Variants in USP34 observed in about 807,000 individuals in gnomAD.
The protein encoded by USP34 is ubiquitin carboxyl-terminal hydrolase 34.
USP34 carries 70 observed loss-of-function variants against 460.3 expected under a neutral mutation model. That is an observed-to-expected ratio of 0.15 (90% CI 0.13 to 0.19). USP34 has a LOEUF of 0.19. Ranked by LOEUF, USP34 falls within the 10% of genes least tolerant of loss-of-function variation. The pLI, the probability that USP34 is intolerant of heterozygous loss-of-function variation, is 1.00. For missense variants in USP34, 3,985 were observed against 4,236.2 expected (o/e 0.94, Z 1.65); for synonymous variants, 1,647 against 1,405.3 (o/e 1.17, Z -3.85).
chr2:61,402,066 G>A (rs1255037595), intron 3 of USP34, among the ~76,000 whole-genome samples: 1 of 151,540 alleles, frequency 6.6e-6, no homozygotes, highest in Admixed American at 6.6e-5. Flanking sequence ...GGCTGGTCTC[G>A]ATAAACCCCA....
chr2:61,282,343 C>T (rs1380539108), intron 37 of USP34, among the ~76,000 whole-genome samples: 3 of 152,206 alleles, frequency 2.0e-5, no homozygotes, highest in African/African-American at 7.2e-5. Flanking sequence ...AAATATATTA[C>T]TGTGTGTTTC....
intron 79 of USP34, 86 bp from the exon 80 acceptor site, chr2:61,188,795 C>T: frequency 5.1e-6 from 8 of 1,566,030 alleles, no homozygotes; most frequent in Non-Finnish European, 6.9e-6. Context: ...AATTTTGTTT[C>T]TAGCATTTAT....
chr2:61,397,111 C>T (rs139336259), intron 3 of USP34, among the ~76,000 whole-genome samples: 2 of 152,048 alleles, frequency 1.3e-5, no homozygotes, highest in African/African-American at 2.4e-5. Context: ...AGTTCAAAGG[C>T]CTTTCAAAGT....
intron 18 of USP34, among the ~76,000 whole-genome samples, chr2:61,338,082 G>A (rs913581492): frequency 7.9e-5 from 12 of 152,166 alleles, no homozygotes; most frequent in Non-Finnish European, 1.2e-4. Flanking sequence ...AGCACTTTGA[G>A]AAGCCAAGGC....
chr2:61,428,121 C>T (rs1414175735), intron 1 of USP34, among the ~76,000 whole-genome samples: 3 of 149,852 alleles, frequency 2.0e-5, no homozygotes, highest in Admixed American at 6.7e-5. Context: ...ACCAAGATTG[C>T]GCCACTGCCC....
chr2:61,329,745 G>A (rs1691204921), intron 20 of USP34, among the ~76,000 whole-genome samples: 1 of 152,108 alleles, frequency 6.6e-6, no homozygotes, highest in Non-Finnish European at 1.5e-5. Context: ...ACAATTTGTA[G>A]ATAACCTATG....
chr2:61,295,898 T>C (rs757655184), intron 30 of USP34, among the ~76,000 whole-genome samples: 68 of 152,364 alleles, frequency 4.5e-4, no homozygotes, highest in Non-Finnish European at 5.7e-4. Context: ...ACATTTATTT[T>C]TTCATTCATC....
intron 48 of USP34, among the ~76,000 whole-genome samples, chr2:61,249,257 C>G (rs1165926431): frequency 6.6e-6 from 1 of 152,096 alleles, no homozygotes; most frequent in Admixed American, 6.6e-5. Flanking sequence ...CACTTTGGTG[C>G]CATTAAGTAA....
chr2:61,425,313 A>T (rs1305273264), intron 1 of USP34, among the ~76,000 whole-genome samples: 2 of 152,244 alleles, frequency 1.3e-5, no homozygotes, highest in Non-Finnish European at 2.9e-5. Flanking sequence ...AAATCAGGTG[A>T]GTACTCATAG....
At chr2:61,397,622 T>C (rs887911229) in intron 3 of USP34, among the ~76,000 whole-genome samples, 1 of 152,048 alleles carries the variant, frequency 6.6e-6, no homozygotes, top group African/African-American at 2.4e-5. Flanking sequence ...AAAAACTGGC[T>C]GTGTGCAATG....
intron 12 of USP34, 106 bp downstream of exon 12, chr2:61,350,154 C>A: frequency 7.9e-7 from 1 of 1,265,684 alleles, no homozygotes; most frequent in Non-Finnish European, 1.1e-6. Context: ...ACCCATCCCA[C>A]ACTTATTTTA....
Position 61,283,163 on chromosome 2 carries a change from C to G in USP34, c.4980G>C (p.Leu1660Phe). ...SDHLQDWLKK[L>F]TLLIPETAVR... The stretch of plus-strand genomic sequence containing the variant: ...ATCTTACCTCAGGAATAAGGAGAGT[C>G]AATTTCTTTAGCCAATCTTGTAAAT... The change falls in exon 37 of 80, where the codon TTG becomes TTC. Residue 1660 changes from leucine (L) to phenylalanine (F), a missense_variant. Around this residue, in one of 14 missense-constraint regions of USP34, gnomAD observed 1,114 missense variants for 1,122.5 expected, o/e 0.99. Transcript: ENST00000398571. 1 of 1,613,252 alleles carries G rather than the reference C, an allele frequency of 6.2e-7. No individual in the cohort carries two copies. Among genetic ancestry groups the G allele is most frequent in the East Asian group, 2.2e-5 (1 of 44,776 alleles).
At chr2:61,222,563 G>T in intron 65 of USP34, 56 bp downstream of exon 65, 1 of 1,396,800 alleles carries the variant, frequency 7.2e-7, no homozygotes, top group Non-Finnish European at 1.0e-6. Context: ...TCATTTGAAA[G>T]CATTAGCAGT....
chr2:61,402,359 T>C (rs1693746055), intron 3 of USP34, among the ~76,000 whole-genome samples: 1 of 152,068 alleles, frequency 6.6e-6, no homozygotes, highest in Non-Finnish European at 1.5e-5. Flanking sequence ...TTACCGAACC[T>C]TTTAAAATAT....
chr2:61,446,261 C>G (rs1318047682), intron 1 of USP34, among the ~76,000 whole-genome samples: 1 of 152,018 alleles, frequency 6.6e-6, no homozygotes, highest in East Asian at 1.9e-4. Context: ...AATCTAGGGT[C>G]TAGCTTAATA....
At chr2:61,364,948 T>TATAAATAA (rs554653056) in intron 10 of USP34, among the ~76,000 whole-genome samples, 1 of 148,588 alleles carries the variant, frequency 6.7e-6, no homozygotes, top group Non-Finnish European at 1.5e-5. Context: ...AATTTAAAAA[T>TATAAATAA]ATAAATAAAT....
At chr2:61,339,819 ATTTTGTTTTGTTTTGT>A in intron 16 of USP34, 138 bp from the exon 17 acceptor site, 2 of 431,660 alleles carry the variant, frequency 4.6e-6, no homozygotes, top group Non-Finnish European at 7.9e-6. Context: ...TTAGCACAAT[ATTTTGTTTTGTTTTGT>A]TTTTGTTTTT....
intron 75 of USP34, among the ~76,000 whole-genome samples, chr2:61,198,949 A>G (rs757917381): frequency 2.4e-4 from 37 of 152,154 alleles, no homozygotes; most frequent in Admixed American, 6.6e-4. Context: ...CTGCCTATTC[A>G]TGTCCTTTGC....
intron 51 of USP34, among the ~76,000 whole-genome samples, chr2:61,243,984 G>C (rs1688351747): frequency 6.6e-6 from 1 of 151,618 alleles, no homozygotes; most frequent in African/African-American, 2.4e-5. Context: ...TAAATTGTTA[G>C]CAAGTGGACT....
Sources: gnomAD v4.1 joint callset for allele counts (sites outside exome capture counted in the v4.1 genomes callset) on GRCh38, gnomAD v4.1.1 for gene constraint, gnomAD v4.1.1 regional missense constraint, MANE v1.5 for transcripts, NCBI Gene and HGNC (gene_info 2026-07-23, HGNC 2026-07-21) for gene names.